The following SMYD3 variants were observed in gnomAD, a reference collection of about 807,000 sequenced individuals.
The protein encoded by SMYD3 is SET and MYND domain containing 3, also known as histone-lysine N-methyltransferase SMYD3.
In SMYD3, 36 loss-of-function variants were observed where a neutral mutation model predicts 57.7. The ratio of observed to expected loss-of-function variants is 0.62; its 90% CI spans 0.48 to 0.82. The LOEUF is 0.82. Ranked by LOEUF, SMYD3 falls within the 40% of genes least tolerant of loss-of-function variation. The pLI is 0.00. For missense variants in SMYD3, 515 were observed against 538.8 expected (o/e 0.96, Z 0.44); for synonymous variants, 211 against 195.0 (o/e 1.08, Z -0.68).
rs1194097030 is a variant in SMYD3, at chr1:245,956,079, A to G, written c.532-26142T>C. 6.1e-6 allele frequency: 6 copies of G among 980,946 alleles called. No homozygotes were observed. The African/African-American group carries it at 7.0e-5, about 11-fold the overall frequency. The allele number at this position is 980,946 out of a possible 1,614,324, so 60.8% of individuals were successfully genotyped here. A position where few individuals can be genotyped will look rare whatever the true frequency, so the allele number is the denominator to read the frequency against. On this transcript the variant is annotated intron_variant, in intron 5 of 11. Transcript: ENST00000490107. ...CTAGGTTATACAAATAGATAACATTATTTTCTATTTTTTCATTTTTCAGAG... is the reference window on the plus strand; with the variant it reads ...CTAGGTTATACAAATAGATAACATTGTTTTCTATTTTTTCATTTTTCAGAG...
chr1:246,162,951 T>G (rs1346076808), intron 5 of SMYD3, among the ~76,000 whole-genome samples: 1 of 152,236 alleles, frequency 6.6e-6, no homozygotes, highest in Admixed American at 6.5e-5. Flanking sequence ...ATTTCTCTTA[T>G]TGTAGCTAGC....
intron 5 of SMYD3, among the ~76,000 whole-genome samples, chr1:246,258,182 G>A (rs2063932855): frequency 6.6e-6 from 1 of 152,080 alleles, no homozygotes; most frequent in Admixed American, 6.6e-5. Context: ...GATTACAGGT[G>A]TGCACCACCA....
chr1:246,380,803 A>G (rs1282954636), intron 1 of SMYD3, among the ~76,000 whole-genome samples: 7 of 152,226 alleles, frequency 4.6e-5, no homozygotes, highest in African/African-American at 1.7e-4. Flanking sequence ...TGAAATTGAG[A>G]TATCTGAAGT....
chr1:245,883,486 C>A (rs530256543), intron 8 of SMYD3, among the ~76,000 whole-genome samples: 1 of 152,132 alleles, frequency 6.6e-6, no homozygotes. Context: ...TAAATTCATT[C>A]TCACTTCTTT....
At chr1:245,796,109 GT>G (rs1329393731) in intron 10 of SMYD3, among the ~76,000 whole-genome samples, 4 of 152,078 alleles carry the variant, frequency 2.6e-5, no homozygotes, top group African/African-American at 9.7e-5. Flanking sequence ...AAATATAAAG[GT>G]CAAGGATATG....
At chr1:245,977,906 C>T (rs1430305327) in intron 5 of SMYD3, among the ~76,000 whole-genome samples, 1 of 152,150 alleles carries the variant, frequency 6.6e-6, no homozygotes, top group Non-Finnish European at 1.5e-5. Flanking sequence ...TATGTATACA[C>T]AGCATATCTG....
chr1:246,480,603 A>T (rs1482843920), intron 1 of SMYD3, among the ~76,000 whole-genome samples: 1 of 152,188 alleles, frequency 6.6e-6, no homozygotes, highest in East Asian at 1.9e-4. Context: ...TATCTGACAC[A>T]ACGGTGGCTC....
chr1:245,869,670 G>A (rs963596114), intron 8 of SMYD3, among the ~76,000 whole-genome samples: 9 of 151,962 alleles, frequency 5.9e-5, no homozygotes, highest in Admixed American at 5.9e-4. Flanking sequence ...CTTGAATACC[G>A]CCCTCCCAGT....
At chr1:246,477,099 C>A (rs571865167) in intron 1 of SMYD3, among the ~76,000 whole-genome samples, 1 of 152,218 alleles carries the variant, frequency 6.6e-6, no homozygotes, top group South Asian at 2.1e-4. Context: ...CAATCTAGAC[C>A]AAAATTAAAA....
intron 1 of SMYD3, among the ~76,000 whole-genome samples, chr1:246,363,296 T>TG (rs35163697): frequency 5.6e-5 from 8 of 142,670 alleles, no homozygotes; most frequent in South Asian, 2.2e-4. Context: ...GGGAGGGAGG[T>TG]GGGGGGGTCA....
intron 5 of SMYD3, among the ~76,000 whole-genome samples, chr1:246,002,118 G>C (rs1260753281): frequency 6.6e-6 from 1 of 152,130 alleles, no homozygotes; most frequent in Non-Finnish European, 1.5e-5. Flanking sequence ...CAAGTCATAA[G>C]TCCACTGAGA....
At chr1:246,205,631 C>T (rs1288743227) in intron 5 of SMYD3, among the ~76,000 whole-genome samples, 1 of 151,662 alleles carries the variant, frequency 6.6e-6, no homozygotes, top group Non-Finnish European at 1.5e-5. Context: ...ACCAGTCTGG[C>T]CAATATGGTG....
intron 5 of SMYD3, among the ~76,000 whole-genome samples, chr1:246,322,088 G>C (rs2065258584): frequency 6.6e-6 from 1 of 152,148 alleles, no homozygotes; most frequent in African/African-American, 2.4e-5. Context: ...AACAGGTGCT[G>C]GGTGGGGTGG....
chr1:246,087,977 A>G (rs1211899867), intron 5 of SMYD3, among the ~76,000 whole-genome samples: 2 of 152,164 alleles, frequency 1.3e-5, no homozygotes, highest in East Asian at 1.9e-4. Context: ...CTTTTATTGA[A>G]AAAACATACA....
intron 2 of SMYD3, among the ~76,000 whole-genome samples, chr1:246,348,771 TAAATA>T (rs2065769741): frequency 7.4e-6 from 1 of 135,764 alleles, no homozygotes; most frequent in South Asian, 2.6e-4. Flanking sequence ...GAAAACAAAT[TAAATA>T]AATTTGAAAC....
At position 246,462,205 on chromosome 1, in the gene SMYD3, C is replaced by T. The variant is rs139216724; in HGVS notation, c.164+44849G>A. Among the ~76,000 whole-genome samples the T allele has an allele frequency of 3.5e-3, 308 of 88,816 alleles. 3 individuals carry two copies. The highest frequency in any genetic ancestry group is 6.5e-3 in the South Asian group (18 of 2,768). The allele number at this position is 88,816 out of a possible 152,430, so 58.3% of individuals were successfully genotyped here. On this transcript the variant is annotated intron_variant, in intron 1 of 11. Transcript: ENST00000490107. ...CTGCTGGGTACAGTGCATCCTCCCGCGGGGCCTGCTGGGTACAGTGCATCC... is the reference window on the plus strand; with the variant it reads ...CTGCTGGGTACAGTGCATCCTCCCGTGGGGCCTGCTGGGTACAGTGCATCC...
At chr1:245,887,770 A>T (rs977954833) in intron 8 of SMYD3, among the ~76,000 whole-genome samples, 4 of 152,170 alleles carry the variant, frequency 2.6e-5, no homozygotes, top group Admixed American at 2.6e-4. Context: ...AATGGAAGCC[A>T]CCTACAGGAA....
chr1:246,311,502 C>T (rs1364120308), intron 5 of SMYD3, among the ~76,000 whole-genome samples: 1 of 152,210 alleles, frequency 6.6e-6, no homozygotes, highest in Non-Finnish European at 1.5e-5. Context: ...GTTGACAAAG[C>T]ACAAGCCCAC....
chr1:246,020,101 T>C (rs769420126), intron 5 of SMYD3, among the ~76,000 whole-genome samples: 2 of 152,206 alleles, frequency 1.3e-5, no homozygotes. Context: ...CAGTGTCTTA[T>C]GGGGTCCGTC....
Sources: allele counts gnomAD v4.1 joint callset (sites outside exome capture counted in the v4.1 genomes callset), GRCh38; gene constraint gnomAD v4.1.1; transcripts MANE v1.5; gene names NCBI Gene and HGNC (gene_info 2026-07-23, HGNC 2026-07-21).